Variants in VWA8 observed in about 807,000 individuals in gnomAD.
VWA8 encodes the protein von Willebrand factor A domain containing 8, also known as von Willebrand factor A domain-containing protein 8.
A neutral mutation model predicts 241.5 loss-of-function variants in VWA8; 221 were observed. The observed-to-expected ratio is 0.91, with a 90% CI of 0.82 to 1.02. VWA8 has a LOEUF of 1.02. VWA8 is among the 50% of genes least tolerant of loss of function. VWA8 has a pLI of 0.00. For synonymous variants in VWA8, 852 were observed against 827.1 expected (o/e 1.03, Z -0.52); for missense variants, 2,322 against 2,328.7 (o/e 1.00, Z 0.06).
At chr13:41,655,836 C>T (rs771659119) in intron 37 of VWA8, among the ~76,000 whole-genome samples, 3 of 152,132 alleles carry the variant, frequency 2.0e-5, no homozygotes, top group Non-Finnish European at 2.9e-5. Context: ...ATCTATCTAT[C>T]TAAATATTTC....
intron 40 of VWA8, among the ~76,000 whole-genome samples, chr13:41,603,422 C>A (rs542065712): frequency 6.6e-6 from 1 of 152,136 alleles, no homozygotes; most frequent in Non-Finnish European, 1.5e-5. Flanking sequence ...AAGCACTGAT[C>A]TGAGGATTAA....
At chr13:41,769,060 G>A (rs1272804442) in intron 20 of VWA8, among the ~76,000 whole-genome samples, 2 of 152,104 alleles carry the variant, frequency 1.3e-5, no homozygotes, top group Non-Finnish European at 2.9e-5. Flanking sequence ...ATGCCACCAT[G>A]CCCAGATAAT....
intron 14 of VWA8, 44 bp downstream of exon 14, chr13:41,830,485 A>G: frequency 6.9e-7 from 1 of 1,454,394 alleles, no homozygotes; most frequent in Admixed American, 1.8e-5. Context: ...ATTATTTTTA[A>G]CTTAACAATA....
intron 41 of VWA8, among the ~76,000 whole-genome samples, chr13:41,589,183 G>A (rs2044438749): frequency 6.6e-6 from 1 of 152,088 alleles, no homozygotes; most frequent in Non-Finnish European, 1.5e-5. Context: ...CTCACCAAGA[G>A]ACTCAATATT....
intron 24 of VWA8, among the ~76,000 whole-genome samples, chr13:41,723,633 T>G (rs1410204537): frequency 6.6e-6 from 1 of 152,084 alleles, no homozygotes; most frequent in Non-Finnish European, 1.5e-5. Flanking sequence ...TTGCAGGATA[T>G]TTGGAAAAGA....
At chr13:41,864,674 A>G in intron 12 of VWA8, 1 of 416,576 alleles carries the variant, frequency 2.4e-6, no homozygotes, top group Non-Finnish European at 4.7e-6. Context: ...TCTGAGAGGG[A>G]AAGAAAAACT....
At chr13:41,643,321 G>C (rs966736983) in intron 37 of VWA8, among the ~76,000 whole-genome samples, 5 of 152,116 alleles carry the variant, frequency 3.3e-5, no homozygotes, top group Non-Finnish European at 7.3e-5. Context: ...GTGTGATCCT[G>C]AACTTTTCCG....
At position 41,692,978 on chromosome 13, in the gene VWA8, A is replaced by G; in HGVS notation, c.3565-6T>C. On this transcript the variant is annotated splice_polypyrimidine_tract_variant and splice_region_variant and intron_variant, in intron 29 of 44. Transcript: ENST00000379310. ...AACAACAGGATAACATTACTCTGCA[A>G]ATGATAAAAACAGTGAAAAGCTCAA... The G allele has an allele frequency of 6.3e-7, 1 of 1,590,522 alleles. No homozygotes were observed. Among genetic ancestry groups the G allele is most frequent in the Non-Finnish European group, 8.6e-7 (1 of 1,165,388 alleles).
At chr13:41,795,436 C>A (rs1869647516) in intron 17 of VWA8, among the ~76,000 whole-genome samples, 1 of 152,086 alleles carries the variant, frequency 6.6e-6, no homozygotes, top group Admixed American at 6.5e-5. Context: ...CCCAGCAATC[C>A]CATTATTGGG....
chr13:41,713,281 A>AT (rs941087527), intron 26 of VWA8, among the ~76,000 whole-genome samples: 4 of 152,208 alleles, frequency 2.6e-5, no homozygotes, highest in Non-Finnish European at 4.4e-5. Flanking sequence ...AAAATAATAC[A>AT]TGTGTTAGAA....
intron 17 of VWA8, among the ~76,000 whole-genome samples, chr13:41,805,707 G>C (rs962513617): frequency 3.9e-5 from 6 of 152,026 alleles, no homozygotes; most frequent in African/African-American, 1.2e-4. Flanking sequence ...CCAACTACTT[G>C]GGAGGCTGAG....
At chr13:41,926,423 G>T in intron 2 of VWA8, 1 of 530,130 alleles carries the variant, frequency 1.9e-6, no homozygotes. Flanking sequence ...TCCCGGGGGA[G>T]CTGTGGCCAA....
intron 37 of VWA8, among the ~76,000 whole-genome samples, chr13:41,653,966 C>T (rs2044884892): frequency 6.6e-6 from 1 of 152,074 alleles, no homozygotes; most frequent in African/African-American, 2.4e-5. Context: ...TAGAAGAAAA[C>T]TAGGAAATAC....
chr13:41,822,283 T>A (rs1870991948), intron 14 of VWA8, among the ~76,000 whole-genome samples: 1 of 152,152 alleles, frequency 6.6e-6, no homozygotes, highest in Admixed American at 6.6e-5. Flanking sequence ...CTTGAAAGAA[T>A]AATATGGAAG....
At chr13:41,852,395 CTCTGT>C (rs1431247990) in intron 12 of VWA8, among the ~76,000 whole-genome samples, 1 of 151,904 alleles carries the variant, frequency 6.6e-6, no homozygotes, top group Non-Finnish European at 1.5e-5. Context: ...ACTGACTCTT[CTCTGT>C]TGATTGTTGG....
At chr13:41,581,744 T>C (rs141496737) in intron 42 of VWA8, among the ~76,000 whole-genome samples, 1 of 152,184 alleles carries the variant, frequency 6.6e-6, no homozygotes, top group African/African-American at 2.4e-5. Context: ...TAAATCTCTT[T>C]TCTGGTCCCA....
chr13:41,657,909 C>T (rs185584294), intron 37 of VWA8, among the ~76,000 whole-genome samples: 36 of 152,324 alleles, frequency 2.4e-4, no homozygotes, highest in African/African-American at 7.7e-4. Context: ...AAGGTCTTGT[C>T]CTAAGACGTC....
At chr13:41,754,010 G>C (rs371291383) in intron 21 of VWA8, among the ~76,000 whole-genome samples, 8 of 152,122 alleles carry the variant, frequency 5.3e-5, no homozygotes, top group African/African-American at 1.4e-4. Flanking sequence ...AAATGTTATG[G>C]CAAATGTAGC....
At chr13:41,899,586 CA>C (rs1449384725) in intron 4 of VWA8, among the ~76,000 whole-genome samples, 1 of 152,172 alleles carries the variant, frequency 6.6e-6, no homozygotes, top group Non-Finnish European at 1.5e-5. Flanking sequence ...GTTACTATTT[CA>C]GGATCACTTT....
Sources: gnomAD v4.1 joint callset for allele counts (sites outside exome capture counted in the v4.1 genomes callset) on GRCh38, gnomAD v4.1.1 for gene constraint, MANE v1.5 for transcripts, NCBI Gene and HGNC (gene_info 2026-07-23, HGNC 2026-07-21) for gene names.